The following ROBO2 variants were observed in gnomAD, a reference collection of about 807,000 sequenced individuals.
The protein encoded by ROBO2 is roundabout homolog 2.
In ROBO2, 53 loss-of-function variants were observed where a neutral mutation model predicts 160.8. The ratio of observed to expected loss-of-function variants is 0.33; its 90% CI spans 0.26 to 0.41. ROBO2 has a LOEUF of 0.41. Ranked by LOEUF, ROBO2 falls within the 10% of genes least tolerant of loss-of-function variation. ROBO2 has a pLI of 1.00. For synonymous variants in ROBO2, 664 were observed against 611.7 expected, an observed-to-expected ratio of 1.09 and a Z score of -1.26; for missense variants, 1,577 against 1,722.4, an observed-to-expected ratio of 0.92 and a Z score of 1.49.
rs559743982 is a variant in ROBO2, at chr3:76,631,119, ATAAT to A, written c.110-466894_110-466891del. Among the ~76,000 whole-genome samples, 488 of 152,344 alleles carry A rather than the reference ATAAT, an allele frequency of 3.2e-3. 3 individuals carry two copies. Among genetic ancestry groups the A allele is most frequent in the African/African-American group, 0.011 (462 of 41,570 alleles). On this transcript the variant is annotated intron_variant, in intron 2 of 26. Transcript: ENST00000487694. ...CAGAATTATTGGAAAATAAGGTAAAATAATAAATATAATTGAGAAAAAGGCAGGC... is the reference window on the plus strand; with the variant it reads ...CAGAATTATTGGAAAATAAGGTAAAAAAATATAATTGAGAAAAAGGCAGGC...
At chr3:76,813,537 TGTA>T (rs1454266296) in intron 2 of ROBO2, among the ~76,000 whole-genome samples, 2 of 152,172 alleles carry the variant, frequency 1.3e-5, no homozygotes, top group Non-Finnish European at 2.9e-5. Context: ...TGACAAATGA[TGTA>T]GTCTCTAATT....
chr3:76,940,441 C>A (rs1025741034), intron 2 of ROBO2, among the ~76,000 whole-genome samples: 3 of 152,190 alleles, frequency 2.0e-5, no homozygotes, highest in Non-Finnish European at 2.9e-5. Flanking sequence ...CCAATAGCTA[C>A]TTTCGTTCTC....
chr3:75,920,073 T>C (rs1946970000), intron 1 of ROBO2, among the ~76,000 whole-genome samples: 1 of 152,190 alleles, frequency 6.6e-6, no homozygotes, highest in South Asian at 2.1e-4. Context: ...TCTTGTCTTA[T>C]GCTAGGTTTT....
intron 2 of ROBO2, among the ~76,000 whole-genome samples, chr3:77,366,635 A>T (rs1022651931): frequency 6.6e-6 from 1 of 152,148 alleles, no homozygotes; most frequent in Non-Finnish European, 1.5e-5. Context: ...GATTTGGCTC[A>T]TAGTTCTGAA....
intron 2 of ROBO2, among the ~76,000 whole-genome samples, chr3:77,277,230 G>GTCTTTCTTTCTTTCTTTCTT (rs55905700): frequency 3.8e-4 from 37 of 96,856 alleles, no homozygotes; most frequent in African/African-American, 1.5e-3. Context: ...TTTCTTTCTT[G>GTCTTTCTTTCTTTCTTTCTT]TCTTTCTTTC....
intron 2 of ROBO2, among the ~76,000 whole-genome samples, chr3:76,591,350 A>G (rs754278033): frequency 2.6e-5 from 4 of 152,192 alleles, no homozygotes; most frequent in Non-Finnish European, 4.4e-5. Flanking sequence ...TGCTCTCTCA[A>G]TAGAGGCAGA....
At chr3:77,302,473 G>A (rs2062747923) in intron 2 of ROBO2, among the ~76,000 whole-genome samples, 1 of 151,778 alleles carries the variant, frequency 6.6e-6, no homozygotes, top group Non-Finnish European at 1.5e-5. Context: ...AACAATTATG[G>A]GCCATACTAG....
intron 2 of ROBO2, among the ~76,000 whole-genome samples, chr3:76,786,884 A>C (rs1185066630): frequency 6.6e-6 from 1 of 151,388 alleles, no homozygotes; most frequent in African/African-American, 2.4e-5. Context: ...CTACCTGATA[A>C]ATTTCTAAAG....
intron 2 of ROBO2, among the ~76,000 whole-genome samples, chr3:77,293,724 T>G (rs2061622185): frequency 7.1e-6 from 1 of 141,362 alleles, no homozygotes; most frequent in Non-Finnish European, 1.5e-5. Flanking sequence ...AAAGTAAAAT[T>G]GATGGTTAAA....
At chr3:77,520,955 A>C (rs553433877) in intron 5 of ROBO2, among the ~76,000 whole-genome samples, 1 of 151,436 alleles carries the variant, frequency 6.6e-6, no homozygotes, top group Non-Finnish European at 1.5e-5. Flanking sequence ...ATACTCAGGT[A>C]AAGTAATTTG....
intron 2 of ROBO2, among the ~76,000 whole-genome samples, chr3:77,099,547 G>A (rs2071615262): frequency 6.6e-6 from 1 of 152,096 alleles, no homozygotes; most frequent in Non-Finnish European, 1.5e-5. Context: ...CCACCAAATA[G>A]TTTTATTTTT....
intron 2 of ROBO2, among the ~76,000 whole-genome samples, chr3:76,638,967 T>C (rs1033173261): frequency 6.6e-6 from 1 of 152,148 alleles, no homozygotes; most frequent in African/African-American, 2.4e-5. Flanking sequence ...ATGTACTGCA[T>C]TACGTCCCTC....
chr3:76,303,078 T>C (rs1441376947), intron 2 of ROBO2, among the ~76,000 whole-genome samples: 1 of 152,120 alleles, frequency 6.6e-6, no homozygotes, highest in Admixed American at 6.6e-5. Flanking sequence ...CACTGTCCTT[T>C]AAATGAACTT....
At chr3:77,004,722 T>C (rs1043966115) in intron 2 of ROBO2, among the ~76,000 whole-genome samples, 44 of 152,192 alleles carry the variant, frequency 2.9e-4, no homozygotes, top group African/African-American at 1.1e-3. Context: ...GGTGCTGATA[T>C]TTGTTTTCTC....
rs201526041 is a variant in ROBO2 at position 76,261,205 on chromosome 3, T to TGTGTGTGTGTGTGTG, written c.109+323603_109+323604insGTGTGTGTGTGTGTG. ...GTGTGTGTGTGTGTGTGTGTGTGTA[T>TGTGTGTGTGTGTGTG]ATATATATATAAATGACAGCTTCCT... On this transcript the variant is annotated intron_variant, in intron 2 of 26. Transcript: ENST00000487694. 2.7e-3 allele frequency among the ~76,000 whole-genome samples: 376 copies of TGTGTGTGTGTGTGTG among 137,344 alleles called. 22 individuals carry two copies. The highest frequency in any genetic ancestry group is 4.4e-3 in the Admixed American group (62 of 13,934). 90.1% of individuals were successfully genotyped at this position (137,344 alleles called of 152,430 possible).
chr3:76,088,963 T>A (rs2069122923), intron 2 of ROBO2, among the ~76,000 whole-genome samples: 1 of 151,716 alleles, frequency 6.6e-6, no homozygotes, highest in South Asian at 2.1e-4. Flanking sequence ...AGAGAGAGAA[T>A]GAGAGAGAGC....
At chr3:77,227,542 C>A (rs2086638023) in intron 2 of ROBO2, among the ~76,000 whole-genome samples, 1 of 152,130 alleles carries the variant, frequency 6.6e-6, no homozygotes, top group Non-Finnish European at 1.5e-5. Context: ...CCCAGCACAG[C>A]CCATTTCTAA....
intron 2 of ROBO2, among the ~76,000 whole-genome samples, chr3:76,035,627 C>T (rs2067080507): frequency 6.6e-6 from 1 of 151,914 alleles, no homozygotes; most frequent in Admixed American, 6.6e-5. Context: ...GCTTGCTTTC[C>T]AAGGCATACA....
intron 2 of ROBO2, among the ~76,000 whole-genome samples, chr3:77,144,647 G>A (rs1654565670): frequency 6.6e-6 from 1 of 152,124 alleles, no homozygotes; most frequent in African/African-American, 2.4e-5. Context: ...AACTCACATT[G>A]GAAAGGACTC....
Sources: gnomAD v4.1 joint callset for allele counts (sites outside exome capture counted in the v4.1 genomes callset) on GRCh38, gnomAD v4.1.1 for gene constraint, MANE v1.5 for transcripts, NCBI Gene and HGNC (gene_info 2026-07-23, HGNC 2026-07-21) for gene names.